GSE1: variants seen among roughly 807,000 people sequenced by gnomAD.
GSE1 encodes the protein Gse1 coiled-coil protein.
A neutral mutation model predicts 112.6 loss-of-function variants in GSE1; 32 were observed. The observed-to-expected ratio is 0.28, with a 90% CI of 0.21 to 0.38. The LOEUF is 0.38. Among genes scored for constraint, GSE1 ranks in the 10% least tolerant of loss-of-function variants. GSE1 has a pLI of 1.00. For missense variants in GSE1, 2,348 were observed against 1,699.2 expected, an observed-to-expected ratio of 1.38 and a Z score of -6.71; for synonymous variants, 1,115 against 735.6, an observed-to-expected ratio of 1.52 and a Z score of -8.35.
intron 2 of GSE1, among the ~76,000 whole-genome samples, chr16:85,423,696 C>T (rs1747792878): frequency 6.6e-6 from 1 of 150,772 alleles, no homozygotes; most frequent in African/African-American, 2.4e-5. Flanking sequence ...CTCCACCAAG[C>T]AGACCAAACC....
intron 1 of GSE1, among the ~76,000 whole-genome samples, chr16:85,198,554 G>T (rs2074971252): frequency 6.6e-6 from 1 of 152,134 alleles, no homozygotes; most frequent in Non-Finnish European, 1.5e-5. Context: ...GGGTCGGGAT[G>T]GGGGTAGCCT....
At chr16:85,627,802 A>C (rs1209419031) in intron 1 of GSE1, among the ~76,000 whole-genome samples, 1 of 152,200 alleles carries the variant, frequency 6.6e-6, no homozygotes, top group East Asian at 1.9e-4. Flanking sequence ...AGGAGCGCAG[A>C]AGTTAATAAA....
chr16:85,578,325 T>C (rs2151374485), intron 1 of GSE1, among the ~76,000 whole-genome samples: 1 of 152,312 alleles, frequency 6.6e-6, no homozygotes, highest in South Asian at 2.1e-4. Flanking sequence ...TGGCAGCCTG[T>C]CCCGAACGCC....
chr16:85,344,561 T>A (rs2046694362), intron 1 of GSE1, among the ~76,000 whole-genome samples: 1 of 152,234 alleles, frequency 6.6e-6, no homozygotes, highest in Admixed American at 6.5e-5. Flanking sequence ...GCTCCCCGTT[T>A]ATCCTTCAGT....
chr16:85,609,093 G>T (rs927186082), upstream of GSE1, among the ~76,000 whole-genome samples: 2 of 152,202 alleles, frequency 1.3e-5, no homozygotes, highest in African/African-American at 4.8e-5. Flanking sequence ...CTGAGCACCT[G>T]ACGTGGCCCA....
intron 1 of GSE1, among the ~76,000 whole-genome samples, chr16:85,188,268 C>CTGT (rs2074749384): frequency 7.6e-6 from 1 of 130,808 alleles, no homozygotes; most frequent in South Asian, 2.6e-4. Context: ...TGCTGCCTGA[C>CTGT]CGTCTGTCTG....
At chr16:85,367,573 C>A (rs950623466) in intron 2 of GSE1, among the ~76,000 whole-genome samples, 1 of 152,116 alleles carries the variant, frequency 6.6e-6, no homozygotes, top group Non-Finnish European at 1.5e-5. Context: ...GACGGGTGGT[C>A]GCAGAGGCCT....
At chr16:85,495,411 G>A (rs2051139257) in intron 2 of GSE1, among the ~76,000 whole-genome samples, 1 of 151,968 alleles carries the variant, frequency 6.6e-6, no homozygotes, top group Non-Finnish European at 1.5e-5. Context: ...AAGCTCAGAT[G>A]AGAACATGCT....
intron 2 of GSE1, among the ~76,000 whole-genome samples, chr16:85,400,081 A>C (rs2048060869): frequency 6.6e-6 from 1 of 152,244 alleles, no homozygotes; most frequent in Admixed American, 6.5e-5. Context: ...GGAGCTACTG[A>C]CTGCTGACAC....
chr16:85,306,492 G>A (rs2045682736), intron 1 of GSE1, among the ~76,000 whole-genome samples: 1 of 152,228 alleles, frequency 6.6e-6, no homozygotes, highest in South Asian at 2.1e-4. Context: ...CTCAGACTGT[G>A]GGTAGGAGTT....
chr16:85,457,201 G>A (rs1052912195), intron 2 of GSE1, among the ~76,000 whole-genome samples: 3 of 152,226 alleles, frequency 2.0e-5, no homozygotes, highest in South Asian at 2.1e-4. Flanking sequence ...AGATAAGGAT[G>A]AGGAGAGTGG....
intron 1 of GSE1, among the ~76,000 whole-genome samples, chr16:85,173,392 C>T (rs183619777): frequency 5.3e-5 from 8 of 152,264 alleles, no homozygotes; most frequent in African/African-American, 1.9e-4. Context: ...GGAAACATAC[C>T]ACTTGCTTTG....
chr16:85,308,965 C>T (rs1306773548), intron 1 of GSE1, among the ~76,000 whole-genome samples: 4 of 150,256 alleles, frequency 2.7e-5, no homozygotes, highest in East Asian at 2.0e-4. Context: ...GGTCTGCATT[C>T]AGGTAGTGAC....
At chr16:85,348,617 T>C (rs1293576802) in intron 1 of GSE1, among the ~76,000 whole-genome samples, 1 of 152,118 alleles carries the variant, frequency 6.6e-6, no homozygotes, top group Non-Finnish European at 1.5e-5. Flanking sequence ...TGGAAGAGGA[T>C]CCAGCTGGAC....
At chr16:85,651,350 A>C (rs2051337136) in intron 3 of GSE1, among the ~76,000 whole-genome samples, 1 of 151,790 alleles carries the variant, frequency 6.6e-6, no homozygotes, top group East Asian at 2.0e-4. Flanking sequence ...AGCCAGACGG[A>C]AGCCACAGAC....
At position 85,598,122 on chromosome 16, in the gene GSE1, G is replaced by A. The variant is rs572916922; in HGVS notation, c.37+41759G>A. Among the ~76,000 whole-genome samples the A allele has an allele frequency of 1.4e-3, 205 of 151,390 alleles. 1 individual carries two copies. In the South Asian group the frequency reaches 0.015, roughly 11 times the overall value. On this transcript the variant is annotated intron_variant, in intron 1 of 2. Transcript: ENST00000635906. ...CTGCAAAAATCAGTGTGCAGGCATC[G>A]GCGTTTTTCTCTCTCTCTTTCTCTC...
intron 1 of GSE1, among the ~76,000 whole-genome samples, chr16:85,182,540 A>G (rs1193354975): frequency 1.3e-5 from 2 of 152,192 alleles, no homozygotes; most frequent in Admixed American, 1.3e-4. Context: ...GTTTGGGGTC[A>G]GTGCAGGGTC....
chr16:85,527,186 C>G (rs567675608), intron 2 of GSE1, among the ~76,000 whole-genome samples: 2 of 152,224 alleles, frequency 1.3e-5, no homozygotes, highest in African/African-American at 4.8e-5. Context: ...GCTTCCCCCT[C>G]GTGAGGAACC....
At position 85,279,544 on chromosome 16, in the gene GSE1, C is replaced by T. The variant is rs148283102; in HGVS notation, c.2284-77919C>T. On this transcript the variant is annotated intron_variant, in intron 1 of 2. Coordinates refer to the GSE1 transcript ENST00000637419. The stretch of plus-strand genomic sequence containing the variant: ...CCAGGAGGTGGAGGTTGCAGTGAGT[C>T]AAGATCGCACCACTGCACTCCAGCC... Among the ~76,000 whole-genome samples the T allele has an allele frequency of 3.7e-3, 565 of 152,268 alleles. 3 individuals are homozygous for T. The highest frequency in any genetic ancestry group is 0.013 in the African/African-American group (528 of 41,550).
Sources: allele counts gnomAD v4.1 joint callset (sites outside exome capture counted in the v4.1 genomes callset), GRCh38; gene constraint gnomAD v4.1.1; transcripts MANE v1.5; gene names NCBI Gene and HGNC (gene_info 2026-07-23, HGNC 2026-07-21).